The following HDAC9 variants were observed in gnomAD, a reference collection of about 807,000 sequenced individuals.
HDAC9 encodes histone deacetylase 9.
Under a neutral mutation model 139.4 loss-of-function variants are expected in HDAC9, and 41 were observed. The observed-to-expected ratio is 0.29, with a 90% confidence interval of 0.23 to 0.38. HDAC9 has a LOEUF of 0.38. HDAC9 is among the 10% of genes least tolerant of loss of function. The probability of loss-of-function intolerance (pLI) is 1.00; values close to 1 mark genes in which losing one functional copy is unlikely to be tolerated. For missense variants in HDAC9, 1,147 were observed against 1,297.0 expected (o/e 0.88, Z 1.78); for synonymous variants, 517 against 476.2 (o/e 1.09, Z -1.12).
chr7:18,799,458 T>A (rs1793103178), intron 17 of HDAC9, among the ~76,000 whole-genome samples: 1 of 152,222 alleles, frequency 6.6e-6, no homozygotes, highest in Admixed American at 6.5e-5. Flanking sequence ...AGCTCAGTTA[T>A]CAGACTTACT....
At chr7:18,199,092 T>G (rs1790923284) in intron 2 of HDAC9, among the ~76,000 whole-genome samples, 4 of 152,150 alleles carry the variant, frequency 2.6e-5, no homozygotes. Context: ...GTTTTTTGTT[T>G]GTTTGTTTGT....
At chr7:18,505,460 T>C (rs1465822936) in intron 2 of HDAC9, among the ~76,000 whole-genome samples, 1 of 152,226 alleles carries the variant, frequency 6.6e-6, no homozygotes, top group East Asian at 1.9e-4. Context: ...AATAAAGATC[T>C]AGCTAACATA....
At chr7:18,537,706 T>C (rs1233910604) in intron 2 of HDAC9, among the ~76,000 whole-genome samples, 1 of 152,136 alleles carries the variant, frequency 6.6e-6, no homozygotes, top group African/African-American at 2.4e-5. Context: ...TGGATTTTTG[T>C]ATATGGAGGG....
At chr7:18,263,058 G>A (rs1193863113) in intron 2 of HDAC9, among the ~76,000 whole-genome samples, 1 of 152,136 alleles carries the variant, frequency 6.6e-6, no homozygotes, top group African/African-American at 2.4e-5. Context: ...AAAAGCAGAT[G>A]TTGAAAGAAT....
chr7:18,174,848 G>T (rs1300799174), intron 2 of HDAC9, among the ~76,000 whole-genome samples: 6 of 152,104 alleles, frequency 3.9e-5, no homozygotes, highest in African/African-American at 1.4e-4. Flanking sequence ...ATGGGCACCT[G>T]CCTGTATGAG....
chr7:18,317,469 A>T (rs1362529929), intron 1 of HDAC9, among the ~76,000 whole-genome samples: 1 of 152,216 alleles, frequency 6.6e-6, no homozygotes, highest in East Asian at 1.9e-4. Flanking sequence ...GATAAATTTG[A>T]ATCTTAAAAC....
At chr7:18,564,592 T>C (rs1368449035) in intron 2 of HDAC9, among the ~76,000 whole-genome samples, 1 of 152,226 alleles carries the variant, frequency 6.6e-6, no homozygotes, top group Non-Finnish European at 1.5e-5. Context: ...TTTATTTTTT[T>C]ATTCTAAATA....
intron 2 of HDAC9, among the ~76,000 whole-genome samples, chr7:18,278,309 G>A (rs1430816271): frequency 6.6e-6 from 1 of 152,184 alleles, no homozygotes; most frequent in African/African-American, 2.4e-5. Context: ...TCCAAGGTGA[G>A]ATTTGTTATT....
At chr7:18,683,786 G>C (rs569350951) in intron 12 of HDAC9, among the ~76,000 whole-genome samples, 11 of 152,020 alleles carry the variant, frequency 7.2e-5, no homozygotes, top group South Asian at 4.1e-4. Flanking sequence ...CAAACTGGAG[G>C]CATCAAAGTC....
intron 1 of HDAC9, among the ~76,000 whole-genome samples, chr7:18,295,477 A>T (rs1798083254): frequency 6.6e-6 from 1 of 152,144 alleles, no homozygotes. Flanking sequence ...TTTACTGTTG[A>T]CTAATTGAAT....
chr7:18,702,698 A>G (rs761360402), intron 12 of HDAC9, among the ~76,000 whole-genome samples: 6 of 152,220 alleles, frequency 3.9e-5, no homozygotes, highest in Non-Finnish European at 8.8e-5. Flanking sequence ...AAATCTGCAT[A>G]GTAACAAACC....
At chr7:18,162,295 A>G (rs574029439) in exon 2 of HDAC9, 3 of 1,534,306 alleles carry the variant, frequency 2.0e-6, no homozygotes, top group Admixed American at 2.0e-5. Flanking sequence ...GTGAATCTGC[A>G]TCCTAGTCTT....
At chr7:18,889,771 C>T (rs1241174527) in intron 22 of HDAC9, among the ~76,000 whole-genome samples, 3 of 152,172 alleles carry the variant, frequency 2.0e-5, no homozygotes, top group Admixed American at 6.5e-5. Flanking sequence ...AATTATGGTT[C>T]ATTGCAGCCT....
chr7:18,958,036 G>T (rs944414225), intron 24 of HDAC9, among the ~76,000 whole-genome samples: 6 of 152,142 alleles, frequency 3.9e-5, no homozygotes, highest in African/African-American at 1.2e-4. Context: ...CCAGCTGAGG[G>T]TATGCAGGTG....
intron 1 of HDAC9, among the ~76,000 whole-genome samples, chr7:18,344,862 A>G (rs951922692): frequency 6.6e-6 from 1 of 151,996 alleles, no homozygotes; most frequent in Non-Finnish European, 1.5e-5. Context: ...ACACTGAAAA[A>G]AATTCACCAA....
intron 22 of HDAC9, among the ~76,000 whole-genome samples, chr7:18,910,683 A>C (rs957199911): frequency 1.4e-4 from 21 of 151,854 alleles, no homozygotes; most frequent in Admixed American, 1.1e-3. Flanking sequence ...TGCGGGTTCA[A>C]ATGCTCTTTC....
intron 2 of HDAC9, among the ~76,000 whole-genome samples, chr7:18,516,768 G>A (rs1803330523): frequency 6.6e-6 from 1 of 151,506 alleles, no homozygotes; most frequent in Non-Finnish European, 1.5e-5. Context: ...GGCTGAGGCA[G>A]GAGAATCACT....
chr7:18,994,047 A>G (rs1318374112), intron 25 of HDAC9, among the ~76,000 whole-genome samples: 1 of 152,194 alleles, frequency 6.6e-6, no homozygotes, highest in African/African-American at 2.4e-5. Context: ...GTTGCAGTGT[A>G]GACAGCCTAC....
chr7:18,712,133 G>A (rs944199510), intron 12 of HDAC9, among the ~76,000 whole-genome samples: 3 of 151,970 alleles, frequency 2.0e-5, no homozygotes, highest in African/African-American at 7.3e-5. Flanking sequence ...TAAATAAATA[G>A]GGGTACTTTA....
Sources: allele counts gnomAD v4.1 joint callset (sites outside exome capture counted in the v4.1 genomes callset), GRCh38; gene constraint gnomAD v4.1.1; transcripts MANE v1.5; gene names NCBI Gene and HGNC (gene_info 2026-07-23, HGNC 2026-07-21).